TMEM178B: variants seen among roughly 807,000 people sequenced by gnomAD.
TMEM178B encodes the protein transmembrane protein 178B.
A neutral mutation model predicts 31.0 loss-of-function variants in TMEM178B; 5 were observed. The ratio of observed to expected loss-of-function variants is 0.16; its 90% CI spans 0.08 to 0.34. The LOEUF is 0.34. TMEM178B is among the 10% of genes least tolerant of loss of function. The pLI is 1.00. For missense variants in TMEM178B, 275 were observed against 400.3 expected (o/e 0.69, Z 2.67); for synonymous variants, 164 against 164.0 (o/e 1.00, Z 0.00).
intron 2 of TMEM178B, among the ~76,000 whole-genome samples, chr7:141,214,656 A>G (rs7809517): frequency 0.65 from 98,996 of 152,014 alleles, 33,694 homozygotes; most frequent in Middle Eastern, 0.79. Context: ...CGCTGGAAAC[A>G]TGTCACGAGG....
At chr7:141,165,865 G>A (rs1261574726) in intron 1 of TMEM178B, among the ~76,000 whole-genome samples, 1 of 152,176 alleles carries the variant, frequency 6.6e-6, no homozygotes, top group Non-Finnish European at 1.5e-5. Flanking sequence ...TCTCTCATAG[G>A]GTTTTTGTGA....
At chr7:141,241,363 G>A (rs1351919406) in intron 2 of TMEM178B, among the ~76,000 whole-genome samples, 1 of 151,932 alleles carries the variant, frequency 6.6e-6, no homozygotes, top group African/African-American at 2.4e-5. Context: ...AGGCTGAGGT[G>A]GGCGGATCAC....
intron 3 of TMEM178B, among the ~76,000 whole-genome samples, chr7:141,452,534 C>T (rs1586970357): frequency 6.6e-6 from 1 of 152,156 alleles, no homozygotes; most frequent in Non-Finnish European, 1.5e-5. Context: ...GTTTGCAGCT[C>T]ATTCATTTGT....
chr7:141,095,418 G>T (rs892340062), intron 1 of TMEM178B, among the ~76,000 whole-genome samples: 1 of 152,190 alleles, frequency 6.6e-6, no homozygotes, highest in African/African-American at 2.4e-5. Context: ...TAAACAAGTA[G>T]ATTCTTAATT....
intron 2 of TMEM178B, among the ~76,000 whole-genome samples, chr7:141,404,992 G>A (rs1178783725): frequency 6.6e-6 from 1 of 152,234 alleles, no homozygotes; most frequent in African/African-American, 2.4e-5. Context: ...GGCACACGGA[G>A]CTCCTGTTCT....
At chr7:141,506,281 G>T in the TMEM178B span, among the ~76,000 whole-genome samples, 1 of 152,216 alleles carries the variant, frequency 6.6e-6, no homozygotes, top group African/African-American at 2.4e-5. Context: ...CTGCTGATTT[G>T]AGAGGAGTGC....
intron 1 of TMEM178B, among the ~76,000 whole-genome samples, chr7:141,094,525 G>A (rs1279127322): frequency 6.6e-6 from 1 of 152,112 alleles, no homozygotes; most frequent in African/African-American, 2.4e-5. Context: ...CTGGGTGGCT[G>A]GTGATTGGTT....
chr7:141,457,510 C>T (rs1801987010), intron 3 of TMEM178B, among the ~76,000 whole-genome samples: 1 of 152,070 alleles, frequency 6.6e-6, no homozygotes, highest in East Asian at 1.9e-4. Flanking sequence ...GAATTAATCA[C>T]TGTGACTACA....
At chr7:141,253,426 AG>A (rs1797867322) in intron 2 of TMEM178B, among the ~76,000 whole-genome samples, 3 of 152,020 alleles carry the variant, frequency 2.0e-5, no homozygotes, top group Admixed American at 1.3e-4. Context: ...CCTCTGTAGC[AG>A]GTTTATCTTT....
intron 2 of TMEM178B, among the ~76,000 whole-genome samples, chr7:141,274,768 C>G (rs1025526170): frequency 4.6e-5 from 7 of 152,206 alleles, no homozygotes; most frequent in Non-Finnish European, 8.8e-5. Flanking sequence ...TGCATGGGAA[C>G]ATCCCTTTGG....
chr7:141,290,532 CATGTGCACACACACATACA>C (rs1798527557), intron 2 of TMEM178B, among the ~76,000 whole-genome samples: 4 of 84,534 alleles, frequency 4.7e-5, no homozygotes, highest in Non-Finnish European at 1.6e-4. Flanking sequence ...CACACATACA[CATGTGCACACACACATACA>C]CGTGCATGCA....
At chr7:141,179,674 G>C (rs1263324934) in intron 1 of TMEM178B, among the ~76,000 whole-genome samples, 1 of 152,202 alleles carries the variant, frequency 6.6e-6, no homozygotes, top group Non-Finnish European at 1.5e-5. Flanking sequence ...GTTAGGGACA[G>C]AGCACCATAT....
intron 1 of TMEM178B, among the ~76,000 whole-genome samples, chr7:141,087,320 T>G (rs1381416615): frequency 6.6e-6 from 1 of 152,118 alleles, no homozygotes; most frequent in East Asian, 1.9e-4. Context: ...TTTATTCCCT[T>G]CTGATGTGTA....
At position 141,398,165 on chromosome 7, in the gene TMEM178B, C is replaced by T. The variant is rs963110635; in HGVS notation, c.497-39443C>T. ...AAGAGGATTTGACCAGGGTTAAGGG[C>T]GATATCAAAAGCAAACTTTAGGATA... On this transcript the variant is annotated intron_variant, in intron 2 of 3. Transcript: ENST00000565468. Among the ~76,000 whole-genome samples the T allele has an allele frequency of 5.3e-5, 8 of 152,054 alleles. No individual in the cohort carries two copies. In the South Asian group the frequency reaches 6.2e-4, roughly 12 times the overall value.
Position 141,465,165 on chromosome 7 carries a change from C to A in TMEM178B, c.635-5371C>A, listed in dbSNP as rs572202511. ...GGGGAGAGCAGGACTTTTATCTTTC[C>A]CATAGAGGGGATGCATACGGACTCT... On this transcript the variant is annotated intron_variant, in intron 3 of 3. Coordinates refer to ENST00000565468, the MANE Select transcript of TMEM178B (RefSeq NM_001195278.2). Among the ~76,000 whole-genome samples, 7 of 152,298 alleles carry A rather than the reference C, an allele frequency of 4.6e-5. No individual in the cohort carries two copies. In the South Asian group the frequency reaches 1.5e-3, roughly 32 times the overall value.
At chr7:141,244,659 A>G (rs1797696200) in intron 2 of TMEM178B, among the ~76,000 whole-genome samples, 1 of 152,298 alleles carries the variant, frequency 6.6e-6, no homozygotes, top group South Asian at 2.1e-4. Flanking sequence ...CCGGCTGGAG[A>G]TGCTTGTGGG....
Position 141,212,610 on chromosome 7 carries a change from G to A in TMEM178B, c.402G>A (p.Thr134=), listed in dbSNP as rs1223550785. 1.1e-5 allele frequency: 17 copies of A among 1,535,886 alleles called. No homozygotes were observed. The highest frequency in any genetic ancestry group is 1.7e-4 in the Middle Eastern group (1 of 6,012). The change falls in exon 2 of 4, where the codon ACG becomes ACA. Residue 134 remains threonine (T), a synonymous_variant. Coordinates refer to ENST00000565468, the MANE Select transcript of TMEM178B (RefSeq NM_001195278.2). ...LIRKGEIERC[T]YIKYHYSSAT... ...TTCTAGGAGAAATTGAGCGATGTAC[G>A]TACATCAAATACCACTACTCCTCAG...
rs536670752 is a variant in TMEM178B at position 141,422,056 on chromosome 7, G to T, written c.497-15552G>T. The stretch of plus-strand genomic sequence containing the variant: ...TTACATCTTCTCCCTTTCCCAGCTC[G>T]GGCTTGACATTTTCTTAGAAACCTG... On this transcript the variant is annotated intron_variant, in intron 2 of 3. Coordinates refer to ENST00000565468, the MANE Select transcript of TMEM178B (RefSeq NM_001195278.2). This position sits in a 1 kb window ranked among gnomAD's most constrained non-coding sequence, Gnocchi z 4.2. Among the ~76,000 whole-genome samples the T allele has an allele frequency of 6.6e-6, 1 of 152,028 alleles. No individual in the cohort carries two copies. Among genetic ancestry groups the T allele is most frequent in the Non-Finnish European group, 1.5e-5 (1 of 68,010 alleles).
the TMEM178B span, among the ~76,000 whole-genome samples, chr7:141,493,183 A>G: frequency 6.6e-6 from 1 of 151,442 alleles, no homozygotes; most frequent in Non-Finnish European, 1.5e-5. Flanking sequence ...CCCAACCCCA[A>G]CTCCCCTCCG....
Sources: allele counts gnomAD v4.1 joint callset (sites outside exome capture counted in the v4.1 genomes callset), GRCh38; gene constraint gnomAD v4.1.1; non-coding constraint Gnocchi (gnomAD v3.1); transcripts MANE v1.5; gene names NCBI Gene and HGNC (gene_info 2026-07-23, HGNC 2026-07-21).